The following CHD3 variants were observed in gnomAD, a reference collection of about 807,000 sequenced individuals.
CHD3 encodes the protein ATP-dependent chromatin remodeler CHD3.
CHD3 carries 52 observed loss-of-function variants against 248.9 expected under a neutral mutation model. That is an observed-to-expected ratio of 0.21 (90% CI 0.17 to 0.26). The LOEUF (loss-of-function observed/expected upper bound fraction) is 0.26, where lower values mean the gene tolerates loss of function less well. CHD3 is among the 10% of genes least tolerant of loss of function. The pLI is 1.00. For synonymous variants in CHD3, 985 were observed against 985.2 expected (o/e 1.00, Z 0.00); for missense variants, 1,482 against 2,605.8 (o/e 0.57, Z 9.39).
chr17:7,895,862 T>C lies in CHD3; in HGVS notation c.1707+320T>C, dbSNP rs986609507. Among the ~76,000 whole-genome samples the C allele has an allele frequency of 6.6e-6, 1 of 152,132 alleles. No homozygotes were observed. Among genetic ancestry groups the C allele is most frequent in the Non-Finnish European group, 1.5e-5 (1 of 68,018 alleles). ...GCTCACACCTATAATCCTAGCACTT[T>C]GGGAGGCCAAGGCAGGAGGATTGCT... On this transcript the variant is annotated intron_variant, in intron 10 of 39. Coordinates refer to ENST00000330494, the MANE Select transcript of CHD3 (RefSeq NM_001005273.3). This position sits in a 1 kb window ranked among gnomAD's most constrained non-coding sequence, Gnocchi z 4.9.
rs1408598564 is a variant in CHD3, at chr17:7,905,835, C to G, written c.4225-21C>G. The G allele has an allele frequency of 6.2e-7, 1 of 1,613,966 alleles. No individual in the cohort carries two copies. Among genetic ancestry groups the G allele is most frequent in the African/African-American group, 1.3e-5 (1 of 74,888 alleles). On this transcript the variant is annotated intron_variant, in intron 27 of 39. Coordinates refer to ENST00000330494, the MANE Select transcript of CHD3 (RefSeq NM_001005273.3). The surrounding 1 kb of genome is among the most constrained non-coding windows in gnomAD (Gnocchi z 5.8). ...GAACCCTAGACATTTGTCGCCATTG[C>G]CTCCTTGCTCCCACCCTCAGGTGCT...
chr17:7,893,243 A>C (rs1009655454), intron 4 of CHD3, 43 bp from the exon 5 acceptor site: 5 of 1,544,804 alleles, frequency 3.2e-6, no homozygotes, highest in Non-Finnish European at 4.4e-6. Flanking sequence ...GTGTTCCCAG[A>C]CCATCTGTGA....
rs1335225565 is a variant in CHD3, at chr17:7,899,606, G to A, written c.2544+63G>A. 1.3e-6 allele frequency: 2 copies of A among 1,531,602 alleles called. No homozygotes were observed. Among genetic ancestry groups the A allele is most frequent in the Non-Finnish European group, 1.8e-6 (2 of 1,114,834 alleles). 94.9% of individuals were successfully genotyped at this position (1,531,602 alleles called of 1,614,324 possible). On this transcript the variant is annotated intron_variant, in intron 15 of 39. Coordinates refer to ENST00000330494, the MANE Select transcript of CHD3 (RefSeq NM_001005273.3). This position sits in a 1 kb window ranked among gnomAD's most constrained non-coding sequence, Gnocchi z 6.8. ...AGCTGTCACTTCTTTTTCTCAGCCA[G>A]GAATTCAGTTTCTCTATTCCCCTCC...
chr17:7,889,788 G>A lies in CHD3; in HGVS notation c.213+12G>A, dbSNP rs748114581. 1.1e-5 allele frequency: 18 copies of A among 1,600,912 alleles called. No homozygotes were observed. Among genetic ancestry groups the A allele is most frequent in the Non-Finnish European group, 1.5e-5 (17 of 1,171,878 alleles). On this transcript the variant is annotated intron_variant, in intron 2 of 39. Coordinates refer to ENST00000330494, the MANE Select transcript of CHD3 (RefSeq NM_001005273.3). This position sits in a 1 kb window ranked among gnomAD's most constrained non-coding sequence, Gnocchi z 4.5. ...AACGCAAGAAGCGTGTAAGTGTCAA[G>A]AATTCCTAACTCTGTGGCAAGGCTC... is the stretch of plus-strand genomic sequence containing the variant.
rs1352503336 is a variant in CHD3, at chr17:7,900,493, G to GTA, written c.2805-64_2805-63dup. ...GCTGGTAGAGGATTAATCTGAGGTG[G>GTA]TAAGTCTGAGATCAGGGGCAAGGAA... On this transcript the variant is annotated intron_variant, in intron 17 of 39. Transcript: ENST00000330494. This position sits in a 1 kb window ranked among gnomAD's most constrained non-coding sequence, Gnocchi z 6.5. 59 of 1,610,328 alleles carry GTA rather than the reference G, an allele frequency of 3.7e-5. No homozygotes were observed. Among genetic ancestry groups the GTA allele is most frequent in the Admixed American group, 2.3e-4 (14 of 59,830 alleles).
Position 7,910,605 on chromosome 17 carries a change from C to T in CHD3, c.5754+14C>T. The T allele has an allele frequency of 6.3e-7, 1 of 1,599,208 alleles. No individual in the cohort carries two copies. The highest frequency in any genetic ancestry group is 1.3e-5 in the African/African-American group (1 of 74,884). ...CACCCCACACCGGTAACCCTCTTTC[C>T]CCCTAGCTCCAGTTTTCCCTGTTTG... On this transcript the variant is annotated intron_variant, in intron 38 of 39. Coordinates refer to ENST00000330494, the MANE Select transcript of CHD3 (RefSeq NM_001005273.3). The surrounding 1 kb of genome is among the most constrained non-coding windows in gnomAD (Gnocchi z 4.7).
At position 7,889,110 on chromosome 17, in the gene CHD3, C is replaced by T. The variant is rs763052067; in HGVS notation, c.100+10C>T. The T allele has an allele frequency of 1.4e-5, 22 of 1,613,980 alleles. No homozygotes were observed. In the South Asian group the frequency reaches 1.8e-4, roughly 13 times the overall value. On this transcript the variant is annotated intron_variant, in intron 1 of 39. Coordinates refer to ENST00000330494, the MANE Select transcript of CHD3 (RefSeq NM_001005273.3). The surrounding 1 kb of genome is among the most constrained non-coding windows in gnomAD (Gnocchi z 4.5). ...GGTGACAGGATGCCTGGTAATTATC[C>T]GAGGAAATGTAAATAGAGGCCTCCC...
At chr17:7,892,482 G>A (rs1043658272) in intron 4 of CHD3, among the ~76,000 whole-genome samples, 1 of 143,366 alleles carries the variant, frequency 7.0e-6, no homozygotes, top group African/African-American at 2.6e-5. Flanking sequence ...TTATTTCGCT[G>A]TTTTTTATTT....
chr17:7,909,157 G>A lies in CHD3; in HGVS notation c.5409G>A (p.Ala1803=), dbSNP rs949213702. 5.1e-6 allele frequency: 8 copies of A among 1,555,976 alleles called. No homozygotes were observed. Among genetic ancestry groups the A allele is most frequent in the South Asian group, 2.4e-5 (2 of 84,554 alleles). ...LARRFKLLEQ[A]LVIEEQLRRA... ...TGTGCCCTCAGCTCCTGGAGCAGGCGCTGGTGATTGAGGAGCAGCTGCGGC... is the reference window on the plus strand; with the variant it reads ...TGTGCCCTCAGCTCCTGGAGCAGGCACTGGTGATTGAGGAGCAGCTGCGGC... Residue 1803 remains alanine (A), a synonymous_variant, in exon 37 of 40, where the codon GCG becomes GCA. Transcript: ENST00000330494. This position sits in a 1 kb window ranked among gnomAD's most constrained non-coding sequence, Gnocchi z 8.1.
Position 7,888,887 on chromosome 17 carries a change from T to G in CHD3, c.-114T>G. The G allele has an allele frequency of 6.5e-7, 1 of 1,533,662 alleles. No homozygotes were observed. The highest frequency in any genetic ancestry group is 8.8e-7 in the Non-Finnish European group (1 of 1,141,794). On this transcript the variant is annotated 5_prime_UTR_variant, in exon 1 of 40. Coordinates refer to ENST00000330494, the MANE Select transcript of CHD3 (RefSeq NM_001005273.3). ...AAGGGTGAGATCGGGAAACAAAGGG[T>G]ATGGCCCCCTAGTTCCCAAAGGGAG...
In CHD3 at chr17:7,889,860, T is replaced by C; in HGVS notation, c.213+84T>C. ...CTACATTTTCTCTGGTCCTGATTAC[T>C]GGTGTGGGGGTGGGGTTCTGAAGCC... is the stretch of plus-strand genomic sequence containing the variant. On this transcript the variant is annotated intron_variant, in intron 2 of 39. Coordinates refer to ENST00000330494, the MANE Select transcript of CHD3 (RefSeq NM_001005273.3). The surrounding 1 kb of genome is among the most constrained non-coding windows in gnomAD (Gnocchi z 4.5). The C allele has an allele frequency of 7.5e-7, 1 of 1,337,754 alleles. No individual in the cohort carries two copies. Among genetic ancestry groups the C allele is most frequent in the Non-Finnish European group, 1.0e-6 (1 of 956,454 alleles). The allele number at this position is 1,337,754 out of a possible 1,614,324, so 82.9% of individuals were successfully genotyped here.
intron 19 of CHD3, 69 bp from the exon 20 acceptor site, chr17:7,901,175 A>C: frequency 6.5e-7 from 1 of 1,537,048 alleles, no homozygotes; most frequent in Non-Finnish European, 8.8e-7. Flanking sequence ...CTGGCCTTCT[A>C]GGTGTGGCAA....
chr17:7,904,446 A>G lies in CHD3; in HGVS notation c.3899A>G (p.Glu1300Gly), dbSNP rs1410414416. 1 of 1,612,374 alleles carries G rather than the reference A, an allele frequency of 6.2e-7. No individual in the cohort carries two copies. Among genetic ancestry groups the G allele is most frequent in the Non-Finnish European group, 8.5e-7 (1 of 1,178,872 alleles). Residue 1300 changes from glutamate (E) to glycine (G), a missense_variant, in exon 25 of 40, where the codon GAG (glutamate) becomes GGG (glycine). Coordinates refer to ENST00000330494, the MANE Select transcript of CHD3 (RefSeq NM_001005273.3). The surrounding 1 kb of genome is among the most constrained non-coding windows in gnomAD (Gnocchi z 4.4). ...ATTCATTCTGTTGCCCTTCAGATTG[A>G]GGAAATTGAGCGAGAGATCATCAAG... ...QYVVREEDKIEEIEREIIKQE... is the reference protein window; with the variant it reads ...QYVVREEDKIGEIEREIIKQE...
At position 7,890,607 on chromosome 17, in the gene CHD3, T is replaced by A; in HGVS notation, c.250T>A (p.Tyr84Asn). Reference protein sequence around the residue: ...EEEFGSERDEYREKSESGGSE... With the variant: ...EEEFGSERDENREKSESGGSE... ...GGAATTTGGTTCTGAGCGAGATGAG[T>A]ACCGGGAGAAGTCAGAGAGTGGGGG... Residue 84 changes from tyrosine to asparagine, a missense_variant, in exon 3 of 40, where the codon TAC becomes AAC. Around this residue, in one of 20 missense-constraint regions of CHD3, gnomAD observed 169 missense variants for 168.1 expected, o/e 1.01. Coordinates refer to ENST00000330494, the MANE Select transcript of CHD3 (RefSeq NM_001005273.3). The A allele has an allele frequency of 6.2e-7, 1 of 1,601,534 alleles. No homozygotes were observed. The highest frequency in any genetic ancestry group is 8.5e-7 in the Non-Finnish European group (1 of 1,176,028).
At chr17:7,885,106 C>A (rs1299386067), upstream of CHD3, 2 of 983,010 alleles carry the variant, frequency 2.0e-6, no homozygotes, top group African/African-American at 1.8e-5. Flanking sequence ...CCCGACTCCC[C>A]CCCCAAGCCC....
chr17:7,885,008 C>A, upstream of CHD3: 1 of 1,238,482 alleles, frequency 8.1e-7, no homozygotes, highest in South Asian at 3.7e-5. Flanking sequence ...CCACAGCCCC[C>A]CCGGCTGCCA....
chr17:7,898,618 T>C (rs1567852630), intron 13 of CHD3, 23 bp downstream of exon 13: 3 of 1,582,262 alleles, frequency 1.9e-6, no homozygotes, highest in Non-Finnish European at 2.6e-6. Flanking sequence ...AGTTGTCATT[T>C]CTTGTTTCTG....
chr17:7,907,636 A>G lies in CHD3; in HGVS notation c.4960A>G (p.Lys1654Glu). Reference sequence around the variant, plus strand: ...GACGCCAGGAGAAAGGGGGGAGGAGAAGCCGTTGGATGGACAGGAACACAG... The same window carrying G: ...GACGCCAGGAGAAAGGGGGGAGGAGGAGCCGTTGGATGGACAGGAACACAG... Reference protein sequence around the residue: ...ESTPGERGEEKPLDGQEHRER... With the variant: ...ESTPGERGEEEPLDGQEHRER... The change falls in exon 33 of 40, where the codon AAG becomes GAG. Residue 1654 changes from lysine (K) to glutamate (E), a missense_variant. Coordinates refer to ENST00000330494, the MANE Select transcript of CHD3 (RefSeq NM_001005273.3). The surrounding 1 kb of genome is among the most constrained non-coding windows in gnomAD (Gnocchi z 4.3). 3 of 1,524,742 alleles carry G rather than the reference A, an allele frequency of 2.0e-6. No individual in the cohort carries two copies. The highest frequency in any genetic ancestry group is 2.6e-6 in the Non-Finnish European group (3 of 1,141,042). 94.5% of individuals were successfully genotyped at this position (1,524,742 alleles called of 1,614,324 possible). A position where few individuals can be genotyped will look rare whatever the true frequency, so the allele number is the denominator to read the frequency against.
At position 7,895,619 on chromosome 17, in the gene CHD3, G is replaced by T; in HGVS notation, c.1707+77G>T. The T allele has an allele frequency of 7.6e-7, 1 of 1,310,040 alleles. No individual in the cohort carries two copies. The allele number at this position is 1,310,040 out of a possible 1,614,324, so 81.2% of individuals were successfully genotyped here. On this transcript the variant is annotated intron_variant, in intron 10 of 39. Coordinates refer to ENST00000330494, the MANE Select transcript of CHD3 (RefSeq NM_001005273.3). This position sits in a 1 kb window ranked among gnomAD's most constrained non-coding sequence, Gnocchi z 4.9. ...CTCTCCCTCTCTTACTCCTCTGTTT[G>T]TTGGGTTCCCATACTCTTTGTTTTC... is the stretch of plus-strand genomic sequence containing the variant.
Sources: gnomAD v4.1 joint callset for allele counts (sites outside exome capture counted in the v4.1 genomes callset) on GRCh38, gnomAD v4.1.1 for gene constraint, gnomAD v4.1.1 regional missense constraint, Gnocchi (gnomAD v3.1) non-coding constraint, MANE v1.5 for transcripts, NCBI Gene and HGNC (gene_info 2026-07-23, HGNC 2026-07-21) for gene names.